Variants in CLNK observed in about 807,000 individuals in gnomAD.
The protein encoded by CLNK is cytokine-dependent hematopoietic cell linker.
In CLNK, 74 loss-of-function variants were observed where a neutral mutation model predicts 68.6. That is an observed-to-expected ratio of 1.08 (90% CI 0.89 to 1.31). CLNK has a LOEUF of 1.31. Ranked by LOEUF, CLNK falls within the 50% of genes most tolerant of loss-of-function variation. CLNK has a pLI of 0.00. For synonymous variants in CLNK, 198 were observed against 172.2 expected (o/e 1.15, Z -1.17); for missense variants, 553 against 515.3 (o/e 1.07, Z -0.71).
intron 2 of CLNK, among the ~76,000 whole-genome samples, chr4:10,657,156 G>T (rs1047694978): frequency 6.6e-6 from 1 of 152,204 alleles, no homozygotes; most frequent in Non-Finnish European, 1.5e-5. Context: ...GGTAGAACCA[G>T]TTATCAAAAC....
intron 2 of CLNK, among the ~76,000 whole-genome samples, chr4:10,614,504 C>T (rs917495251): frequency 2.0e-5 from 3 of 152,076 alleles, no homozygotes; most frequent in Non-Finnish European, 2.9e-5. Context: ...GGCTAACTGG[C>T]CAGATCTGTT....
chr4:10,508,916 G>A (rs1717439176), intron 16 of CLNK, among the ~76,000 whole-genome samples: 1 of 152,048 alleles, frequency 6.6e-6, no homozygotes, highest in African/African-American at 2.4e-5. Flanking sequence ...AGACCATCCT[G>A]GCCAACATGG....
intron 7 of CLNK, among the ~76,000 whole-genome samples, chr4:10,563,805 G>A (rs1719992637): frequency 6.6e-6 from 1 of 152,138 alleles, no homozygotes; most frequent in African/African-American, 2.4e-5. Flanking sequence ...TATTCAGAAG[G>A]CCGAAGCAGG....
intron 15 of CLNK, among the ~76,000 whole-genome samples, chr4:10,518,050 T>A (rs1290850964): frequency 1.3e-5 from 2 of 151,932 alleles, no homozygotes; most frequent in Non-Finnish European, 2.9e-5. Context: ...TCAAGTTTTA[T>A]AACCCCATGA....
At chr4:10,677,227 G>A (rs1577214929) in intron 1 of CLNK, among the ~76,000 whole-genome samples, 1 of 152,136 alleles carries the variant, frequency 6.6e-6, no homozygotes, top group East Asian at 1.9e-4. Context: ...AGATAAGGGT[G>A]AAGATAGATC....
At chr4:10,555,010 AC>A (rs1241568663) in intron 8 of CLNK, among the ~76,000 whole-genome samples, 2 of 152,232 alleles carry the variant, frequency 1.3e-5, no homozygotes, top group African/African-American at 4.8e-5. Flanking sequence ...TGAGCAAGCC[AC>A]TTCCCTTCCT....
Position 10,565,995 on chromosome 4 carries a change from C to T in CLNK, c.292+14G>A, listed in dbSNP as rs756114895. 9 of 1,612,124 alleles carry T rather than the reference C, an allele frequency of 5.6e-6. No homozygotes were observed. The highest frequency in any genetic ancestry group is 1.1e-5 in the South Asian group (1 of 90,900). On this transcript the variant is annotated intron_variant, in intron 6 of 18. Coordinates refer to ENST00000226951, the MANE Select transcript of CLNK (RefSeq NM_052964.4). ...CATGCATCTTCTTATTTCAGGCAGA[C>T]CCCCAAACGTTACCTGCATATTCAG...
intron 2 of CLNK, among the ~76,000 whole-genome samples, chr4:10,640,826 A>C (rs753906695): frequency 3.3e-5 from 5 of 152,220 alleles, no homozygotes; most frequent in Non-Finnish European, 7.3e-5. Context: ...AGCAACGTGA[A>C]ACCTACTTAT....
chr4:10,538,854 G>T (rs114265690), intron 11 of CLNK, among the ~76,000 whole-genome samples: 1 of 152,148 alleles, frequency 6.6e-6, no homozygotes. Flanking sequence ...AGGGCCCAAG[G>T]TAATAAAAGT....
At chr4:10,726,740 A>G in the CLNK span, among the ~76,000 whole-genome samples, 1 of 152,174 alleles carries the variant, frequency 6.6e-6, no homozygotes, top group East Asian at 1.9e-4. Flanking sequence ...GGTAGTTTGA[A>G]GTGGGAAAGA....
chr4:10,625,753 G>A (rs1183572717), intron 2 of CLNK, among the ~76,000 whole-genome samples: 1 of 152,130 alleles, frequency 6.6e-6, no homozygotes, highest in Non-Finnish European at 1.5e-5. Flanking sequence ...GAGACAGAGA[G>A]TGACAGAGAC....
At chr4:10,732,923 C>T in the CLNK span, among the ~76,000 whole-genome samples, 3 of 152,120 alleles carry the variant, frequency 2.0e-5, no homozygotes, top group Admixed American at 1.3e-4. Context: ...TTATGCTGCT[C>T]CCTTTTGGCG....
chr4:10,579,643 A>G (rs7685040), intron 4 of CLNK, among the ~76,000 whole-genome samples: 33,675 of 151,992 alleles, frequency 0.22, 3,941 homozygotes, highest in African/African-American at 0.29. Flanking sequence ...TTCTTGTCTA[A>G]CAGGAAAGCC....
intron 3 of CLNK, among the ~76,000 whole-genome samples, chr4:10,591,610 A>T (rs1268827519): frequency 6.6e-6 from 1 of 152,248 alleles, no homozygotes; most frequent in African/African-American, 2.4e-5. Flanking sequence ...TACACTGCAG[A>T]TCATGTCTGG....
At chr4:10,491,847 T>G (rs1277060657) in intron 18 of CLNK, among the ~76,000 whole-genome samples, 1 of 152,148 alleles carries the variant, frequency 6.6e-6, no homozygotes. Flanking sequence ...ATGGTGAAGT[T>G]TGGGCTTTAG....
At position 10,558,404 on chromosome 4, in the gene CLNK, T is replaced by C; in HGVS notation, c.445+3A>G. On this transcript the variant is annotated splice_donor_region_variant and intron_variant, in intron 8 of 18. Transcript: ENST00000226951. ...TTTTAAACTTCGATTAACATGACTT[T>C]ACCTTTAATGTTTTGGCTTCTGACG... The C allele has an allele frequency of 6.2e-7, 1 of 1,613,604 alleles. No homozygotes were observed. Among genetic ancestry groups the C allele is most frequent in the Non-Finnish European group, 8.5e-7 (1 of 1,179,530 alleles).
chr4:10,666,501 A>T (rs1437611248), intron 2 of CLNK, among the ~76,000 whole-genome samples: 1 of 152,170 alleles, frequency 6.6e-6, no homozygotes, highest in African/African-American at 2.4e-5. Context: ...CCACAGTCAA[A>T]GGAATAATGG....
At chr4:10,608,448 C>T (rs1165580736) in intron 2 of CLNK, among the ~76,000 whole-genome samples, 1 of 152,168 alleles carries the variant, frequency 6.6e-6, no homozygotes, top group East Asian at 1.9e-4. Flanking sequence ...CCAAATGTGT[C>T]TAGGTGGATG....
At chr4:10,593,947 A>T (rs1345465134) in intron 3 of CLNK, among the ~76,000 whole-genome samples, 3 of 152,162 alleles carry the variant, frequency 2.0e-5, no homozygotes, top group Non-Finnish European at 4.4e-5. Context: ...GTGGATTAGA[A>T]TCTTGGTGCC....
Sources: gnomAD v4.1 joint callset for allele counts (sites outside exome capture counted in the v4.1 genomes callset) on GRCh38, gnomAD v4.1.1 for gene constraint, MANE v1.5 for transcripts, NCBI Gene and HGNC (gene_info 2026-07-23, HGNC 2026-07-21) for gene names.